CHST11: variants seen among roughly 807,000 people sequenced by gnomAD.
The protein encoded by CHST11 is C4S-1.
CHST11 carries 9 observed loss-of-function variants against 30.4 expected under a neutral mutation model. The ratio of observed to expected loss-of-function variants is 0.30; its 90% CI spans 0.18 to 0.52. The LOEUF is 0.52. Ranked by LOEUF, CHST11 falls within the 20% of genes least tolerant of loss-of-function variation. The pLI is 0.97. For synonymous variants in CHST11, 152 were observed against 187.8 expected, an observed-to-expected ratio of 0.81 and a Z score of 1.56; for missense variants, 348 against 460.6, an observed-to-expected ratio of 0.76 and a Z score of 2.24.
chr12:104,632,312 C>G (rs772318131), intron 2 of CHST11, among the ~76,000 whole-genome samples: 15 of 152,172 alleles, frequency 9.9e-5, no homozygotes, highest in Non-Finnish European at 1.5e-4. Context: ...TTTGCAGGAG[C>G]CTACCTGTGC....
At chr12:104,568,645 T>C (rs1406009180) in intron 1 of CHST11, among the ~76,000 whole-genome samples, 3 of 152,134 alleles carry the variant, frequency 2.0e-5, no homozygotes, top group Non-Finnish European at 4.4e-5. Flanking sequence ...TCTACTATTA[T>C]CTATAATGTG....
In CHST11 at chr12:104,602,137, C is replaced by T. The variant is rs565850739; in HGVS notation, c.204+146C>T. ...CCTTCAGTGGTTGCTTTCTCCGTCA[C>T]CCTTTTTCTATGTAGCATCTCTGAA... is the stretch of plus-strand genomic sequence containing the variant. On this transcript the variant is annotated intron_variant, in intron 2 of 2. Coordinates refer to ENST00000303694, the MANE Select transcript of CHST11 (RefSeq NM_018413.6). The T allele has an allele frequency of 1.5e-3, 971 of 630,334 alleles. 4 individuals carry two copies. Among genetic ancestry groups the T allele is most frequent in the Non-Finnish European group, 1.9e-3 (690 of 355,102 alleles). 39.0% of individuals were successfully genotyped at this position (630,334 alleles called of 1,614,324 possible). A position where few individuals can be genotyped will look rare whatever the true frequency, so the allele number is the denominator to read the frequency against.
At chr12:104,659,202 G>T (rs1340366930) in intron 2 of CHST11, among the ~76,000 whole-genome samples, 1 of 152,216 alleles carries the variant, frequency 6.6e-6, no homozygotes, top group East Asian at 1.9e-4. Context: ...CTGCATCACA[G>T]ACTCTGCATT....
intron 1 of CHST11, among the ~76,000 whole-genome samples, chr12:104,505,519 G>A (rs970061990): frequency 6.6e-6 from 1 of 152,162 alleles, no homozygotes; most frequent in African/African-American, 2.4e-5. Context: ...TGCCTGTCTG[G>A]GGACCACACT....
intron 1 of CHST11, among the ~76,000 whole-genome samples, chr12:104,555,642 C>T (rs557882995): frequency 3.3e-5 from 5 of 152,336 alleles, no homozygotes; most frequent in African/African-American, 1.2e-4. Context: ...ACTCAGGGGT[C>T]CAGGATGGGG....
At chr12:104,641,129 T>C (rs2039372698) in intron 2 of CHST11, among the ~76,000 whole-genome samples, 2 of 152,154 alleles carry the variant, frequency 1.3e-5, no homozygotes, top group African/African-American at 4.8e-5. Context: ...TTCCCACTCC[T>C]TCCCCTTTTT....
In CHST11 at chr12:104,631,191, C is replaced by G. The variant is rs555471180; in HGVS notation, c.204+29200C>G. Among the ~76,000 whole-genome samples, 51 of 152,274 alleles carry G rather than the reference C, an allele frequency of 3.3e-4. 1 individual carries two copies. The South Asian group carries it at 0.01, about 31-fold the overall frequency. ...GCAGTGGCGTATTTATGAATACTGG[C>G]TGGTTGGGGGAGAGGAATGGTGCAG... On this transcript the variant is annotated intron_variant, in intron 2 of 2. Coordinates refer to ENST00000303694, the MANE Select transcript of CHST11 (RefSeq NM_018413.6).
intron 1 of CHST11, among the ~76,000 whole-genome samples, chr12:104,555,574 G>T (rs1025799137): frequency 2.7e-4 from 41 of 152,152 alleles, no homozygotes; most frequent in Admixed American, 5.2e-4. Flanking sequence ...CTCTGGTTTG[G>T]GAACTAATTG....
chr12:104,740,447 A>G (rs1225366659), intron 2 of CHST11, among the ~76,000 whole-genome samples: 1 of 152,158 alleles, frequency 6.6e-6, no homozygotes, highest in African/African-American at 2.4e-5. Flanking sequence ...GGGTGGATAG[A>G]AGGAGAAAAT....
intron 2 of CHST11, among the ~76,000 whole-genome samples, chr12:104,610,432 T>A (rs1045995654): frequency 1.3e-5 from 2 of 152,212 alleles, no homozygotes; most frequent in Non-Finnish European, 2.9e-5. Context: ...TCTGTGTCAG[T>A]CTGTATGAAT....
intron 1 of CHST11, among the ~76,000 whole-genome samples, chr12:104,537,828 C>T (rs531011231): frequency 4.0e-5 from 6 of 151,612 alleles, no homozygotes; most frequent in South Asian, 2.1e-4. Flanking sequence ...CCTGAATGAC[C>T]GGGACCACAG....
chr12:104,728,923 G>A (rs368989083), intron 2 of CHST11, among the ~76,000 whole-genome samples: 6 of 152,160 alleles, frequency 3.9e-5, no homozygotes, highest in East Asian at 1.9e-4. Context: ...GAGCAATGTC[G>A]TGCTGGTTAA....
At chr12:104,709,414 C>T (rs1227969923) in intron 2 of CHST11, among the ~76,000 whole-genome samples, 9 of 152,166 alleles carry the variant, frequency 5.9e-5, no homozygotes, top group Admixed American at 2.6e-4. Flanking sequence ...GGCTGTCGTC[C>T]GGTAGAGGGA....
Position 104,704,492 on chromosome 12 carries a change from T to C in CHST11, c.205-52457T>C, listed in dbSNP as rs2040016297. Among the ~76,000 whole-genome samples, 4 of 152,296 alleles carry C rather than the reference T, an allele frequency of 2.6e-5. No individual in the cohort carries two copies. The South Asian group carries it at 8.3e-4, about 32-fold the overall frequency. On this transcript the variant is annotated intron_variant, in intron 2 of 2. Coordinates refer to ENST00000303694, the MANE Select transcript of CHST11 (RefSeq NM_018413.6). Reference sequence around the variant, plus strand: ...TCTGCCCAGGCATTCTGGGAACTGCTGCTGGTTAGAGGAGGGGGTGGGACC... The same window carrying C: ...TCTGCCCAGGCATTCTGGGAACTGCCGCTGGTTAGAGGAGGGGGTGGGACC...
intron 2 of CHST11, among the ~76,000 whole-genome samples, chr12:104,756,519 T>A (rs1380860522): frequency 1.1e-5 from 1 of 89,384 alleles, no homozygotes; most frequent in Non-Finnish European, 2.6e-5. Context: ...TCATGAGGTC[T>A]GGATCCATGT....
At chr12:104,678,689 G>A (rs2039765063) in intron 2 of CHST11, among the ~76,000 whole-genome samples, 1 of 152,044 alleles carries the variant, frequency 6.6e-6, no homozygotes, top group African/African-American at 2.4e-5. Flanking sequence ...TGCTTGTTAA[G>A]GCTGCCAAGG....
rs1335343916 is a variant in CHST11 at position 104,760,860 on chromosome 12, G to A, written c.*3057G>A. 1 of 152,208 alleles carries A rather than the reference G, an allele frequency of 6.6e-6. No homozygotes were observed. Among genetic ancestry groups the A allele is most frequent in the Non-Finnish European group, 1.5e-5 (1 of 68,024 alleles). 9.4% of individuals were successfully genotyped at this position (152,208 alleles called of 1,614,324 possible). A position where few individuals can be genotyped will look rare whatever the true frequency, so the allele number is the denominator to read the frequency against. On this transcript the variant is annotated 3_prime_UTR_variant, in exon 3 of 3. Coordinates refer to ENST00000303694, the MANE Select transcript of CHST11 (RefSeq NM_018413.6). The stretch of plus-strand genomic sequence containing the variant: ...AAAGTATTCTGTGTCCTTGGTTAAA[G>A]AAATCCACTTGTGAAGTGTGCCTGG...
At chr12:104,546,822 G>A (rs186829022) in intron 1 of CHST11, among the ~76,000 whole-genome samples, 154 of 152,340 alleles carry the variant, frequency 1.0e-3, no homozygotes, top group African/African-American at 3.4e-3. Context: ...AGCCACGTGT[G>A]TACCCTTGGG....
At chr12:104,713,677 C>A (rs2040106216) in intron 2 of CHST11, among the ~76,000 whole-genome samples, 1 of 152,154 alleles carries the variant, frequency 6.6e-6, no homozygotes, top group South Asian at 2.1e-4. Flanking sequence ...GCCGACTTGG[C>A]TGACTCCTGA....
Sources: allele counts gnomAD v4.1 joint callset (sites outside exome capture counted in the v4.1 genomes callset), GRCh38; gene constraint gnomAD v4.1.1; transcripts MANE v1.5; gene names NCBI Gene and HGNC (gene_info 2026-07-23, HGNC 2026-07-21).